TFEC: variants seen among roughly 807,000 people sequenced by gnomAD.
The protein encoded by TFEC is transcription factor EC.
A neutral mutation model predicts 41.6 loss-of-function variants in TFEC; 31 were observed. That is an observed-to-expected ratio of 0.74 (90% CI 0.56 to 1.01). TFEC has a LOEUF of 1.01. TFEC is among the 50% of genes least tolerant of loss of function. TFEC has a pLI of 0.00. For missense variants in TFEC, 402 were observed against 404.1 expected, an observed-to-expected ratio of 0.99 and a Z score of 0.04; for synonymous variants, 143 against 140.6, an observed-to-expected ratio of 1.02 and a Z score of -0.12.
At chr7:116,057,070 A>G (rs1175535103) in intron 3 of TFEC, among the ~76,000 whole-genome samples, 1 of 152,080 alleles carries the variant, frequency 6.6e-6, no homozygotes, top group African/African-American at 2.4e-5. Flanking sequence ...GCAGAAAAAA[A>G]CTAGAAAACT....
At chr7:116,047,812 A>G (rs1014162869) in intron 3 of TFEC, among the ~76,000 whole-genome samples, 2 of 152,164 alleles carry the variant, frequency 1.3e-5, no homozygotes, top group African/African-American at 4.8e-5. Context: ...CTTCCAGAGG[A>G]AGGATCAGGC....
intron 1 of TFEC, among the ~76,000 whole-genome samples, chr7:115,991,032 C>G (rs146839618): frequency 3.3e-5 from 5 of 152,214 alleles, no homozygotes; most frequent in African/African-American, 1.2e-4. Context: ...CAGCTGATCT[C>G]TCCACAGAAA....
chr7:116,056,709 T>C (rs1796439567), intron 3 of TFEC, among the ~76,000 whole-genome samples: 2 of 152,110 alleles, frequency 1.3e-5, no homozygotes, highest in Non-Finnish European at 2.9e-5. Flanking sequence ...AACTAAATTG[T>C]GTCCCAGAAC....
At chr7:116,126,226 A>C (rs1255289450) in intron 1 of TFEC, among the ~76,000 whole-genome samples, 1 of 152,204 alleles carries the variant, frequency 6.6e-6, no homozygotes, top group Non-Finnish European at 1.5e-5. Flanking sequence ...ACCTCAAAAT[A>C]AAACAATATC....
At chr7:116,116,668 A>G (rs1797995676) in intron 1 of TFEC, among the ~76,000 whole-genome samples, 1 of 151,910 alleles carries the variant, frequency 6.6e-6, no homozygotes, top group African/African-American at 2.4e-5. Context: ...TACAACTCTA[A>G]AAATAATAGA....
chr7:116,144,338 G>A (rs1477286406), intron 1 of TFEC, among the ~76,000 whole-genome samples: 4 of 152,144 alleles, frequency 2.6e-5, no homozygotes, highest in Non-Finnish European at 5.9e-5. Flanking sequence ...AAAGGTTACA[G>A]GTTTTGGCAA....
intron 3 of TFEC, among the ~76,000 whole-genome samples, chr7:115,970,226 AG>A (rs2130570692): frequency 6.6e-6 from 1 of 152,122 alleles, no homozygotes; most frequent in Admixed American, 6.6e-5. Flanking sequence ...AACCCCAGAT[AG>A]CTCTTCAAGA....
intron 2 of TFEC, among the ~76,000 whole-genome samples, chr7:115,977,337 T>G (rs1208013313): frequency 6.6e-6 from 1 of 151,972 alleles, no homozygotes; most frequent in African/African-American, 2.4e-5. Flanking sequence ...GCATAGAAAG[T>G]ATAAGATTCA....
chr7:116,084,156 C>A (rs1797151828), intron 3 of TFEC, among the ~76,000 whole-genome samples: 1 of 151,876 alleles, frequency 6.6e-6, no homozygotes, highest in Admixed American at 6.6e-5. Context: ...CCCAACTGTG[C>A]CCAGCCACCT....
intron 3 of TFEC, among the ~76,000 whole-genome samples, chr7:116,083,245 A>C (rs75477575): frequency 0.019 from 2,901 of 151,980 alleles, 93 homozygotes; most frequent in African/African-American, 0.065. Flanking sequence ...CTTCTTCTAA[A>C]GATTTTGGAG....
intron 3 of TFEC, among the ~76,000 whole-genome samples, chr7:115,967,675 A>G (rs1792924669): frequency 6.6e-6 from 1 of 151,794 alleles, no homozygotes; most frequent in Non-Finnish European, 1.5e-5. Flanking sequence ...ATGTAAATAT[A>G]ATGTGTTGAG....
chr7:116,118,819 G>C (rs1798048668), intron 1 of TFEC, among the ~76,000 whole-genome samples: 1 of 151,844 alleles, frequency 6.6e-6, no homozygotes, highest in South Asian at 2.1e-4. Context: ...ATCCAAGGGA[G>C]AATGCAGATT....
intron 3 of TFEC, among the ~76,000 whole-genome samples, chr7:116,093,544 T>C (rs2115854299): frequency 6.6e-6 from 1 of 152,294 alleles, no homozygotes; most frequent in South Asian, 2.1e-4. Flanking sequence ...GTGGGTCTGA[T>C]TTTGTTTCTT....
chr7:115,959,412 C>A (rs1364485379), intron 3 of TFEC, among the ~76,000 whole-genome samples: 10 of 151,750 alleles, frequency 6.6e-5, no homozygotes, highest in Admixed American at 6.6e-5. Flanking sequence ...AGATTTTATT[C>A]ACATCTCCAC....
At chr7:115,991,418 G>T (rs1431678225) in intron 1 of TFEC, among the ~76,000 whole-genome samples, 1 of 152,130 alleles carries the variant, frequency 6.6e-6, no homozygotes, top group African/African-American at 2.4e-5. Context: ...CCCATTAAAA[G>T]ACACAGACTG....
At chr7:116,019,534 T>C (rs1190738097) in intron 1 of TFEC, among the ~76,000 whole-genome samples, 1 of 152,214 alleles carries the variant, frequency 6.6e-6, no homozygotes, top group African/African-American at 2.4e-5. Context: ...AAATCAGTGA[T>C]GTATTGCACA....
intron 7 of TFEC, 66 bp from the exon 8 acceptor site, chr7:115,940,997 C>T: frequency 1.4e-6 from 2 of 1,403,690 alleles, no homozygotes; most frequent in South Asian, 1.5e-5. Flanking sequence ...AGAGAATAAG[C>T]CAGACATAGA....
chr7:116,048,536 A>T (rs10953800), intron 3 of TFEC, among the ~76,000 whole-genome samples: 5 of 152,010 alleles, frequency 3.3e-5, no homozygotes, highest in Admixed American at 6.5e-5. Flanking sequence ...GGGAGAATGG[A>T]ACCAAGTTGG....
At chr7:115,994,329 T>C (rs1794262031) in intron 1 of TFEC, among the ~76,000 whole-genome samples, 2 of 151,910 alleles carry the variant, frequency 1.3e-5, no homozygotes, top group Admixed American at 1.3e-4. Flanking sequence ...CCAAAAGCAA[T>C]GGCAACAAAA....
Sources: allele counts gnomAD v4.1 joint callset (sites outside exome capture counted in the v4.1 genomes callset), GRCh38; gene constraint gnomAD v4.1.1; transcripts MANE v1.5; gene names NCBI Gene and HGNC (gene_info 2026-07-23, HGNC 2026-07-21).